The following TMPRSS4 variants were observed in gnomAD, a reference collection of about 807,000 sequenced individuals.
TMPRSS4 encodes transmembrane protease serine 4.
Under a neutral mutation model 56.4 loss-of-function variants are expected in TMPRSS4, and 45 were observed. That is an observed-to-expected ratio of 0.80 (90% CI 0.63 to 1.02). The LOEUF (loss-of-function observed/expected upper bound fraction) is 1.02, where lower values mean the gene tolerates loss of function less well. TMPRSS4 is among the 50% of genes least tolerant of loss of function. The pLI, the probability that TMPRSS4 is intolerant of heterozygous loss-of-function variation, is 0.00. For synonymous variants in TMPRSS4, 205 were observed against 211.0 expected (o/e 0.97, Z 0.25); for missense variants, 546 against 556.7 (o/e 0.98, Z 0.19).
rs1947698595 is a variant in TMPRSS4, at chr11:118,119,002, G to C, written c.*1089G>C. 1.0e-6 allele frequency: 1 copy of C among 985,394 alleles called. No homozygotes were observed. 61.0% of individuals were successfully genotyped at this position (985,394 alleles called of 1,614,324 possible). On this transcript the variant is annotated 3_prime_UTR_variant, in exon 13 of 13. Transcript: ENST00000437212. ...AACCCCATGGACTTTTTTGGCATCT[G>C]TATGAAAGCTTGGGTTTTCTGAGGA...
chr11:118,109,963 A>G (rs1191088625), intron 7 of TMPRSS4, among the ~76,000 whole-genome samples: 1 of 152,216 alleles, frequency 6.6e-6, no homozygotes. Flanking sequence ...AGCATAAGTG[A>G]CAGGTCCTCC....
chr11:118,107,617 G>T (rs1947058548), intron 5 of TMPRSS4, 157 bp from the exon 6 acceptor site: 3 of 581,074 alleles, frequency 5.2e-6, no homozygotes, highest in Non-Finnish European at 9.2e-6. Context: ...AGCAAAGCAG[G>T]CCCCATCTTC....
Position 118,099,073 on chromosome 11 carries a change from G to A in TMPRSS4, c.132G>A (p.Ala44=), listed in dbSNP as rs765611755. Residue 44 remains alanine, a synonymous_variant, in exon 3 of 13, where the codon GCG becomes GCA. Coordinates refer to ENST00000437212, the MANE Select transcript of TMPRSS4 (RefSeq NM_019894.4). Reference sequence around the variant, plus strand: ...TCATCATAGCACTACTGAGCCTGGCGAGTATCATCATTGTGGTTGTCCTCA... The same window carrying A: ...TCATCATAGCACTACTGAGCCTGGCAAGTATCATCATTGTGGTTGTCCTCA... ...IPIIIALLSL[A]SIIIVVVLIK... The A allele has an allele frequency of 5.6e-6, 9 of 1,613,830 alleles. No homozygotes were observed. The highest frequency in any genetic ancestry group is 1.3e-5 in the African/African-American group (1 of 74,938).
At chr11:118,107,899 C>A (rs769343115) in intron 6 of TMPRSS4, 24 bp downstream of exon 6, 5 of 1,593,860 alleles carry the variant, frequency 3.1e-6, no homozygotes, top group Non-Finnish European at 4.3e-6. Flanking sequence ...CACCTTCTGG[C>A]CTACAGAAGG....
rs1329188960 is a variant in TMPRSS4 at position 118,096,830 on chromosome 11, A to AGAAAGAAG, written c.43+1991_43+1998dup. ...AGAGAAAAAAGAAAGAAAGAGAGAA[A>AGAAAGAAG]GAAAGAAGGAAAGAAGGAAAGAAAG... On this transcript the variant is annotated intron_variant, in intron 2 of 12. Coordinates refer to ENST00000437212, the MANE Select transcript of TMPRSS4 (RefSeq NM_019894.4). Among the ~76,000 whole-genome samples the AGAAAGAAG allele has an allele frequency of 2.9e-3, 49 of 16,710 alleles. 8 individuals carry two copies. The highest frequency in any genetic ancestry group is 0.01 in the African/African-American group (47 of 4,592). 11.0% of individuals were successfully genotyped at this position (16,710 alleles called of 152,430 possible). A position where few individuals can be genotyped will look rare whatever the true frequency, so the allele number is the denominator to read the frequency against.
rs890862225 is a variant in TMPRSS4 at position 118,117,902 on chromosome 11, G to A, written c.1303G>A (p.Ala435Thr). 7 of 1,613,506 alleles carry A rather than the reference G, an allele frequency of 4.3e-6. No homozygotes were observed. Among genetic ancestry groups the A allele is most frequent in the Non-Finnish European group, 5.9e-6 (7 of 1,180,030 alleles). Residue 435 changes from alanine to threonine, a missense_variant and splice_region_variant, in exon 13 of 13, where the codon GCT (alanine) becomes ACT (threonine). Physicochemically the swap from Ala to Thr is moderately conservative, Grantham distance 58. Coordinates refer to ENST00000437212, the MANE Select transcript of TMPRSS4 (RefSeq NM_019894.4). ...TCTTCATCGGTCTCTCTTATTCTAG[G>A]CTGAGCTGTAATGCTGCTGCCCCTT... Reference protein sequence around the residue: ...YLNWIYNVWKAEL With the variant: ...YLNWIYNVWKTEL
Position 118,119,001 on chromosome 11 carries a change from T to G in TMPRSS4, c.*1088T>G. The G allele has an allele frequency of 3.0e-6, 3 of 985,454 alleles. No homozygotes were observed. The highest frequency in any genetic ancestry group is 9.4e-5 in the South Asian group (2 of 21,290). The allele number at this position is 985,454 out of a possible 1,614,324, so 61.0% of individuals were successfully genotyped here. A position where few individuals can be genotyped will look rare whatever the true frequency, so the allele number is the denominator to read the frequency against. ...AAACCCCATGGACTTTTTTGGCATC[T>G]GTATGAAAGCTTGGGTTTTCTGAGG... On this transcript the variant is annotated 3_prime_UTR_variant, in exon 13 of 13. Transcript: ENST00000437212.
chr11:118,091,169 C>A (rs1357844866), intron 1 of TMPRSS4, among the ~76,000 whole-genome samples: 2 of 152,130 alleles, frequency 1.3e-5, no homozygotes, highest in Non-Finnish European at 2.9e-5. Context: ...CCAAGCACAC[C>A]CAATCCATCG....
intron 5 of TMPRSS4, chr11:118,107,502 G>T (rs1218849909): frequency 6.3e-6 from 2 of 319,388 alleles, no homozygotes; most frequent in African/African-American, 2.1e-5. Flanking sequence ...ATTTCTCCAG[G>T]GCTCTGGGTT....
At chr11:118,092,405 G>A (rs1946032193) in intron 1 of TMPRSS4, among the ~76,000 whole-genome samples, 3 of 152,224 alleles carry the variant, frequency 2.0e-5, no homozygotes, top group South Asian at 2.1e-4. Flanking sequence ...ATGCTGATTG[G>A]TCAGGGATGA....
At chr11:118,098,745 G>A (rs967464093) in intron 2 of TMPRSS4, among the ~76,000 whole-genome samples, 2 of 152,188 alleles carry the variant, frequency 1.3e-5, no homozygotes, top group African/African-American at 2.4e-5. Context: ...GCCTGACCTG[G>A]GGGCTCCTTT....
At chr11:118,117,167 G>A (rs1565442999) in intron 11 of TMPRSS4, 138 bp from the exon 12 acceptor site, 1 of 866,916 alleles carries the variant, frequency 1.2e-6, no homozygotes, top group Non-Finnish European at 1.9e-6. Flanking sequence ...GTGCTAATGA[G>A]CAAAGAGGGT....
intron 3 of TMPRSS4, among the ~76,000 whole-genome samples, chr11:118,099,670 C>T (rs1169993924): frequency 6.6e-6 from 1 of 152,128 alleles, no homozygotes; most frequent in Non-Finnish European, 1.5e-5. Flanking sequence ...AGGGCTGCCA[C>T]GCCCCCTGCC....
At chr11:118,098,059 C>T (rs1259663637) in intron 2 of TMPRSS4, among the ~76,000 whole-genome samples, 3 of 152,206 alleles carry the variant, frequency 2.0e-5, no homozygotes, top group Non-Finnish European at 2.9e-5. Flanking sequence ...CGTGAGCCAC[C>T]GCACTGGACC....
chr11:118,094,910 C>G lies in TMPRSS4; in HGVS notation c.43+55C>G, dbSNP rs745576297. 5 of 1,589,550 alleles carry G rather than the reference C, an allele frequency of 3.1e-6. No individual in the cohort carries two copies. The Admixed American group carries it at 7.0e-5, about 22-fold the overall frequency. On this transcript the variant is annotated intron_variant, in intron 2 of 12. Transcript: ENST00000437212. ...ACCTTAGCCTCTGAGTTTCAGCTAC[C>G]AAGTAGATCCTAAGCCACTCGCGCC... is the stretch of plus-strand genomic sequence containing the variant.
chr11:118,100,295 C>T (rs1037060964), intron 3 of TMPRSS4, among the ~76,000 whole-genome samples: 3 of 152,222 alleles, frequency 2.0e-5, no homozygotes, highest in Admixed American at 6.5e-5. Context: ...CCAGGACATG[C>T]ATTTGCTAAT....
chr11:118,123,698 G>A (rs1471496109), downstream of TMPRSS4, among the ~76,000 whole-genome samples: 1 of 152,072 alleles, frequency 6.6e-6, no homozygotes, highest in South Asian at 2.1e-4. Flanking sequence ...AATTTTTTGT[G>A]TGTTTTTAGT....
chr11:118,086,480 C>A (rs1447236475), intron 1 of TMPRSS4, among the ~76,000 whole-genome samples: 1 of 152,256 alleles, frequency 6.6e-6, no homozygotes. Flanking sequence ...AATAATGACT[C>A]AACGCAAGGC....
downstream of TMPRSS4, among the ~76,000 whole-genome samples, chr11:118,122,796 C>T (rs761449942): frequency 1.5e-4 from 23 of 152,104 alleles, no homozygotes; most frequent in Non-Finnish European, 2.8e-4. Flanking sequence ...TTGTGTCCCC[C>T]AAAATTTGTA....
Sources: allele counts gnomAD v4.1 joint callset (sites outside exome capture counted in the v4.1 genomes callset), GRCh38; gene constraint gnomAD v4.1.1; transcripts MANE v1.5; gene names NCBI Gene and HGNC (gene_info 2026-07-23, HGNC 2026-07-21).